TRAK2: variants seen among roughly 807,000 people sequenced by gnomAD.
TRAK2 encodes trafficking kinesin-binding protein 2.
Under a neutral mutation model 104.6 loss-of-function variants are expected in TRAK2, and 81 were observed. That is an observed-to-expected ratio of 0.77 (90% CI 0.65 to 0.93). TRAK2 has a LOEUF of 0.93. TRAK2 is among the 40% of genes least tolerant of loss of function. The pLI, the probability that TRAK2 is intolerant of heterozygous loss-of-function variation, is 0.00. For synonymous variants in TRAK2, 406 were observed against 394.4 expected (o/e 1.03, Z -0.35); for missense variants, 1,002 against 1,089.0 (o/e 0.92, Z 1.12).
chr2:201,447,004 C>T lies in TRAK2; in HGVS notation c.-200+4346G>A, dbSNP rs772115715. 5.3e-5 allele frequency among the ~76,000 whole-genome samples: 8 copies of T among 152,214 alleles called. No homozygotes were observed. Among genetic ancestry groups the T allele is most frequent in the Non-Finnish European group, 1.2e-4 (8 of 68,026 alleles). On this transcript the variant is annotated intron_variant, in intron 1 of 15. Transcript: ENST00000332624. The surrounding 1 kb of genome is among the most constrained non-coding windows in gnomAD (Gnocchi z 4.1). ...TTATAATGTTATATTAACAGTGGCT[C>T]TGTTTTAGTTAGACATTTCAATATT... is the stretch of plus-strand genomic sequence containing the variant.
Position 201,381,198 on chromosome 2 carries a change from G to C in TRAK2, c.2090C>G (p.Ser697Cys). 1 of 1,605,404 alleles carries C rather than the reference G, an allele frequency of 6.2e-7. No homozygotes were observed. Among genetic ancestry groups the C allele is most frequent in the Non-Finnish European group, 8.5e-7 (1 of 1,175,228 alleles). The change falls in exon 16 of 16, where the codon TCC becomes TGC. Residue 697 changes from serine (S) to cysteine (C), a missense_variant. Transcript: ENST00000332624. ...TGAACTGCTACCGCTACTTCCACAG[G>C]ATAATGAAGGGAACCCAGAGCTTAA... is the stretch of plus-strand genomic sequence containing the variant. ...VTPSSGFPSL[S>C]CGSSGSSSSN...
rs1022406311 is a variant in TRAK2 at position 201,403,348 on chromosome 2, T to G, written c.287-2254A>C. The stretch of plus-strand genomic sequence containing the variant: ...GCATGTTCAAGACCACGAAGAAAGC[T>G]ATTAGTGGCAAAGCTGGAATTTTAG... On this transcript the variant is annotated intron_variant, in intron 3 of 15. Coordinates refer to ENST00000332624, the MANE Select transcript of TRAK2 (RefSeq NM_015049.3). Among the ~76,000 whole-genome samples, 10 of 152,260 alleles carry G rather than the reference T, an allele frequency of 6.6e-5. No homozygotes were observed. The South Asian group carries it at 1.0e-3, about 16-fold the overall frequency.
rs369983813 is a variant in TRAK2, at chr2:201,386,255, G to A, written c.1926C>T (p.Phe642=). The change falls in exon 14 of 16, where the codon TTC becomes TTT. Residue 642 remains phenylalanine, a synonymous_variant. Transcript: ENST00000332624. The part of the protein sequence containing the change: ...LSTSKPVTGI[F]LPPITSAGGP... ...CACCTGCTGAAGTAATGGGTGGCAG[G>A]AAGATCCCTGTTACTGGCTTGGATG... is the stretch of plus-strand genomic sequence containing the variant. The A allele has an allele frequency of 2.0e-4, 318 of 1,614,162 alleles. No individual in the cohort carries two copies. The highest frequency in any genetic ancestry group is 2.5e-4 in the Non-Finnish European group (297 of 1,180,012).
chr2:201,413,385 A>AC (rs1576522608), intron 2 of TRAK2: 1 of 565,078 alleles, frequency 1.8e-6, no homozygotes, highest in Non-Finnish European at 3.0e-6. Flanking sequence ...CTTTTTCCCC[A>AC]CCCCCCTAAA....
intron 2 of TRAK2, chr2:201,411,458 T>A (rs928529338): frequency 8.1e-6 from 6 of 744,156 alleles, no homozygotes; most frequent in Non-Finnish European, 1.5e-5. Flanking sequence ...TTTGATTTCC[T>A]ATGTCCAAAG....
intron 1 of TRAK2, among the ~76,000 whole-genome samples, chr2:201,431,696 T>A (rs1165077244): frequency 6.6e-6 from 1 of 152,196 alleles, no homozygotes; most frequent in Admixed American, 6.5e-5. Flanking sequence ...TATAAGGTAA[T>A]ATTCACAGGA....
chr2:201,426,642 T>C (rs1035847728), intron 1 of TRAK2, among the ~76,000 whole-genome samples: 1 of 152,192 alleles, frequency 6.6e-6, no homozygotes, highest in South Asian at 2.1e-4. Context: ...TTAGTCTTAA[T>C]TCTTGCATAG....
At chr2:201,413,362 C>G in intron 2 of TRAK2, 1 of 766,760 alleles carries the variant, frequency 1.3e-6, no homozygotes, top group South Asian at 2.0e-5. Flanking sequence ...CCAGGAGGGG[C>G]AGAACTGGGC....
chr2:201,434,677 T>C (rs759447385), intron 1 of TRAK2, among the ~76,000 whole-genome samples: 14 of 152,244 alleles, frequency 9.2e-5, no homozygotes, highest in Non-Finnish European at 1.0e-4. Context: ...AGAAATTGCA[T>C]AAGCAACTGA....
chr2:201,444,641 T>A (rs903205271), intron 1 of TRAK2, among the ~76,000 whole-genome samples: 1 of 151,400 alleles, frequency 6.6e-6, no homozygotes, highest in Non-Finnish European at 1.5e-5. Context: ...TAAATTGTAA[T>A]AATATATTTG....
At chr2:201,385,232 C>T (rs1373522902) in intron 14 of TRAK2, among the ~76,000 whole-genome samples, 2 of 152,156 alleles carry the variant, frequency 1.3e-5, no homozygotes, top group East Asian at 3.8e-4. Context: ...ATCTGCATAA[C>T]TCCATGAACC....
At chr2:201,388,556 T>C (rs183434619) in intron 12 of TRAK2, among the ~76,000 whole-genome samples, 7 of 152,300 alleles carry the variant, frequency 4.6e-5, no homozygotes, top group Admixed American at 3.9e-4. Flanking sequence ...TAATACTGCA[T>C]TTTTATAGTT....
chr2:201,449,603 G>A (rs542288320), intron 1 of TRAK2, among the ~76,000 whole-genome samples: 1 of 148,444 alleles, frequency 6.7e-6, no homozygotes, highest in South Asian at 2.1e-4. Context: ...TCCTGCCTCA[G>A]CCTCCTCAGT....
Position 201,382,728 on chromosome 2 carries a change from G to C in TRAK2, c.2069+1383C>G, listed in dbSNP as rs537608222. 2.0e-5 allele frequency among the ~76,000 whole-genome samples: 3 copies of C among 152,208 alleles called. No homozygotes were observed. In the South Asian group the frequency reaches 6.2e-4, roughly 32 times the overall value. ...GATCTTTAGTGGATATCATCCAAAT[G>C]CTTCCGTAAATAATCCATTTGTTTC... is the stretch of plus-strand genomic sequence containing the variant. On this transcript the variant is annotated intron_variant, in intron 15 of 15. Transcript: ENST00000332624.
chr2:201,386,564 G>T, intron 13 of TRAK2, 80 bp from the exon 14 acceptor site: 1 of 1,506,794 alleles, frequency 6.6e-7, no homozygotes, highest in Non-Finnish European at 9.1e-7. Flanking sequence ...AAAATTATAT[G>T]TGTAATAACA....
At chr2:201,440,828 C>A (rs1033245267) in intron 1 of TRAK2, among the ~76,000 whole-genome samples, 4 of 152,160 alleles carry the variant, frequency 2.6e-5, no homozygotes, top group African/African-American at 7.2e-5. Context: ...AAATTTGCAA[C>A]CTCTGGCATA....
rs773545702 is a variant in TRAK2, at chr2:201,392,946, T to G, written c.1076A>C (p.His359Pro). ...TCCATATGATTGGGAGAAGTAGAGA[T>G]GAGCAGTAGGGCCAGATCTACTACG... The part of the protein sequence containing the change: ...ELRSRSGPTA[H>P]LYFSQSYGAF... The change falls in exon 10 of 16, where the codon CAT becomes CCT. Residue 359 changes from histidine (H) to proline (P), a missense_variant. Coordinates refer to ENST00000332624, the MANE Select transcript of TRAK2 (RefSeq NM_015049.3). 7 of 1,613,710 alleles carry G rather than the reference T, an allele frequency of 4.3e-6. No homozygotes were observed. The highest frequency in any genetic ancestry group is 5.1e-6 in the Non-Finnish European group (6 of 1,179,816).
intron 10 of TRAK2, among the ~76,000 whole-genome samples, chr2:201,390,391 A>G (rs2349081): frequency 0.56 from 79,369 of 141,646 alleles, 23,617 homozygotes; most frequent in South Asian, 0.68. Context: ...AAAAATACAA[A>G]AAAATACAAA....
At chr2:201,412,540 G>C in intron 2 of TRAK2, 1 of 1,220,990 alleles carries the variant, frequency 8.2e-7, no homozygotes, top group Non-Finnish European at 1.2e-6. Context: ...ATTAAATACA[G>C]CATACATAAC....
Sources: allele counts gnomAD v4.1 joint callset (sites outside exome capture counted in the v4.1 genomes callset), GRCh38; gene constraint gnomAD v4.1.1; non-coding constraint Gnocchi (gnomAD v3.1); transcripts MANE v1.5; gene names NCBI Gene and HGNC (gene_info 2026-07-23, HGNC 2026-07-21).